Variants in RTN1 observed in about 807,000 individuals in gnomAD.
RTN1 encodes reticulon-1.
RTN1 carries 25 observed loss-of-function variants against 65.5 expected under a neutral mutation model. The ratio of observed to expected loss-of-function variants is 0.38; its 90% confidence interval spans 0.28 to 0.53. The LOEUF (loss-of-function observed/expected upper bound fraction) is 0.53, where lower values mean the gene tolerates loss of function less well. RTN1 is among the 20% of genes least tolerant of loss of function. The probability of loss-of-function intolerance (pLI) is 0.79; values close to 1 mark genes in which losing one functional copy is unlikely to be tolerated. For missense variants in RTN1, 983 were observed against 1,025.4 expected, an observed-to-expected ratio of 0.96 and a Z score of 0.57; for synonymous variants, 471 against 447.6, an observed-to-expected ratio of 1.05 and a Z score of -0.66.
intron 3 of RTN1, among the ~76,000 whole-genome samples, chr14:59,652,109 C>T (rs1883032023): frequency 6.6e-6 from 1 of 152,044 alleles, no homozygotes; most frequent in Non-Finnish European, 1.5e-5. Context: ...TAGAGAAATA[C>T]AAATCAAAAC....
At chr14:59,669,914 C>T (rs1394951937) in intron 3 of RTN1, among the ~76,000 whole-genome samples, 1 of 152,192 alleles carries the variant, frequency 6.6e-6, no homozygotes, top group Non-Finnish European at 1.5e-5. Context: ...CTCCTTGTTC[C>T]AGAGCAACAA....
chr14:59,787,599 A>G (rs1886274314), intron 1 of RTN1, among the ~76,000 whole-genome samples: 1 of 152,170 alleles, frequency 6.6e-6, no homozygotes, highest in Non-Finnish European at 1.5e-5. Flanking sequence ...AACTAAAGAA[A>G]TGGCCATGAA....
At chr14:59,806,604 T>C (rs1057409553) in intron 1 of RTN1, among the ~76,000 whole-genome samples, 1 of 152,182 alleles carries the variant, frequency 6.6e-6, no homozygotes, top group Non-Finnish European at 1.5e-5. Flanking sequence ...TTTCCTGATC[T>C]CTCTCTCCTC....
chr14:59,749,174 ATC>A (rs1291701097), intron 1 of RTN1, among the ~76,000 whole-genome samples: 20 of 113,846 alleles, frequency 1.8e-4, no homozygotes, highest in African/African-American at 8.8e-4. Context: ...CTATATATCT[ATC>A]TATATATCTA....
At chr14:59,788,136 T>A (rs910877770) in intron 1 of RTN1, among the ~76,000 whole-genome samples, 1 of 152,234 alleles carries the variant, frequency 6.6e-6, no homozygotes, top group Non-Finnish European at 1.5e-5. Flanking sequence ...AGTGGAAATT[T>A]AACTTTTTTC....
chr14:59,687,828 CT>C (rs1203415917), intron 3 of RTN1, among the ~76,000 whole-genome samples: 4 of 152,010 alleles, frequency 2.6e-5, no homozygotes, highest in Non-Finnish European at 5.9e-5. Context: ...ACCTGCTTGC[CT>C]GGTCAGCAGC....
chr14:59,831,264 G>A (rs1447205244), intron 1 of RTN1, among the ~76,000 whole-genome samples: 1 of 152,198 alleles, frequency 6.6e-6, no homozygotes, highest in East Asian at 1.9e-4. Flanking sequence ...ATTTAAATCA[G>A]TAGACTGGGT....
intron 1 of RTN1, among the ~76,000 whole-genome samples, chr14:59,812,460 G>T (rs1278738661): frequency 6.6e-6 from 1 of 152,182 alleles, no homozygotes; most frequent in Non-Finnish European, 1.5e-5. Context: ...GTTGCAGCTT[G>T]TAGGTTATTA....
chr14:59,827,435 G>C (rs1306302640), intron 1 of RTN1, among the ~76,000 whole-genome samples: 1 of 152,002 alleles, frequency 6.6e-6, no homozygotes, highest in South Asian at 2.1e-4. Context: ...TTTTCTCACT[G>C]GGTTTGCCCT....
intron 3 of RTN1, among the ~76,000 whole-genome samples, chr14:59,651,329 G>A (rs112163753): frequency 0.018 from 2,724 of 152,242 alleles, 74 homozygotes; most frequent in African/African-American, 0.061. Context: ...TAACTGGCTA[G>A]CCATATGCAG....
At chr14:59,643,649 A>G (rs1403943468) in intron 3 of RTN1, among the ~76,000 whole-genome samples, 5 of 152,216 alleles carry the variant, frequency 3.3e-5, no homozygotes, top group African/African-American at 4.8e-5. Context: ...GATGCTTAGT[A>G]AGACAGGATA....
chr14:59,641,216 C>A (rs746187760), intron 3 of RTN1, among the ~76,000 whole-genome samples: 4 of 152,172 alleles, frequency 2.6e-5, no homozygotes, highest in Non-Finnish European at 5.9e-5. Context: ...CATCCACCCA[C>A]CTTGGCCTCC....
At chr14:59,689,937 A>G (rs974949052) in intron 3 of RTN1, among the ~76,000 whole-genome samples, 8 of 152,122 alleles carry the variant, frequency 5.3e-5, no homozygotes, top group Non-Finnish European at 1.0e-4. Flanking sequence ...CAACTTCACA[A>G]CAGGATCAAA....
At chr14:59,851,420 C>G (rs1235262880) in intron 1 of RTN1, among the ~76,000 whole-genome samples, 2 of 152,172 alleles carry the variant, frequency 1.3e-5, no homozygotes, top group Admixed American at 6.5e-5. Context: ...GATTACTATA[C>G]TTAAAAAATA....
At chr14:59,716,389 A>G (rs1884534279) in intron 3 of RTN1, among the ~76,000 whole-genome samples, 1 of 152,214 alleles carries the variant, frequency 6.6e-6, no homozygotes, top group African/African-American at 2.4e-5. Context: ...ATTAGTAGGA[A>G]AGCACAGTTC....
intron 1 of RTN1, among the ~76,000 whole-genome samples, chr14:59,750,087 ATATATAT>A (rs1258250308): frequency 1.5e-3 from 110 of 71,112 alleles, no homozygotes; most frequent in Non-Finnish European, 2.2e-3. Context: ...TATTATAGAC[ATATATAT>A]TATATATTAT....
intron 1 of RTN1, among the ~76,000 whole-genome samples, chr14:59,832,777 C>T (rs576248077): frequency 9.2e-5 from 14 of 152,290 alleles, no homozygotes; most frequent in African/African-American, 2.9e-4. Context: ...TTTACCAAAC[C>T]TTTAATGCAT....
chr14:59,650,375 C>G (rs1445264684), intron 3 of RTN1, among the ~76,000 whole-genome samples: 3 of 152,070 alleles, frequency 2.0e-5, no homozygotes, highest in African/African-American at 7.2e-5. Context: ...ATGTAACAAA[C>G]CTGCACATTC....
rs1371615700 is a variant in RTN1, at chr14:59,727,366, GGCCGCC to G, written c.1312_1317del (p.Gly438_Gly439del). 9 of 1,515,014 alleles carry G rather than the reference GGCCGCC, an allele frequency of 5.9e-6. No individual in the cohort carries two copies. The highest frequency in any genetic ancestry group is 2.8e-5 in the African/African-American group (2 of 72,496). 93.8% of individuals were successfully genotyped at this position (1,515,014 alleles called of 1,614,324 possible). A position where few individuals can be genotyped will look rare whatever the true frequency, so the allele number is the denominator to read the frequency against. ...GATGGCGAGGCGGGCGAGGGCGGCGGGCCGCCCACGTGGCCAAAGCTCACATAGCCT... is the reference window on the plus strand; with the variant it reads ...GATGGCGAGGCGGGCGAGGGCGGCGGCACGTGGCCAAAGCTCACATAGCCT... On this transcript the variant is annotated inframe_deletion, in exon 3 of 9. Transcript: ENST00000267484. The surrounding 1 kb of genome is among the most constrained non-coding windows in gnomAD (Gnocchi z 4.2).
Sources: allele counts gnomAD v4.1 joint callset (sites outside exome capture counted in the v4.1 genomes callset), GRCh38; gene constraint gnomAD v4.1.1; non-coding constraint Gnocchi (gnomAD v3.1); transcripts MANE v1.5; gene names NCBI Gene and HGNC (gene_info 2026-07-23, HGNC 2026-07-21).